The following CACNA1E variants were observed in gnomAD, a reference collection of about 807,000 sequenced individuals.
CACNA1E encodes the protein voltage-dependent R-type calcium channel subunit alpha-1E.
CACNA1E carries 40 observed loss-of-function variants against 259.2 expected under a neutral mutation model. The observed-to-expected ratio is 0.15, with a 90% CI of 0.12 to 0.20. The LOEUF is 0.20. Ranked by LOEUF, CACNA1E falls within the 10% of genes least tolerant of loss-of-function variation. The pLI, the probability that CACNA1E is intolerant of heterozygous loss-of-function variation, is 1.00. For missense variants in CACNA1E, 1,874 were observed against 3,040.1 expected, an observed-to-expected ratio of 0.62 and a Z score of 9.02; for synonymous variants, 1,104 against 1,138.5, an observed-to-expected ratio of 0.97 and a Z score of 0.61.
At chr1:181,334,161 A>G (rs576502355) in intron 1 of CACNA1E, among the ~76,000 whole-genome samples, 10 of 152,082 alleles carry the variant, frequency 6.6e-5, no homozygotes, top group African/African-American at 2.2e-4. Context: ...GAGATACTTG[A>G]CCTAATGAGT....
chr1:181,701,662 T>A (rs1357496969), intron 7 of CACNA1E, among the ~76,000 whole-genome samples: 1 of 152,178 alleles, frequency 6.6e-6, no homozygotes, highest in Non-Finnish European at 1.5e-5. Context: ...CCTTTATTTT[T>A]CCAAACTGCG....
chr1:181,380,235 C>T (rs1005783778), intron 1 of CACNA1E, among the ~76,000 whole-genome samples: 4 of 151,836 alleles, frequency 2.6e-5, no homozygotes, highest in African/African-American at 9.7e-5. Flanking sequence ...CAAGACCCAA[C>T]TACATCCTGC....
chr1:181,463,243 T>TG (rs1208707959), intron 2 of CACNA1E, among the ~76,000 whole-genome samples: 1 of 152,196 alleles, frequency 6.6e-6, no homozygotes, highest in Admixed American at 6.5e-5. Flanking sequence ...AGAACAATTA[T>TG]GTGATATACT....
chr1:181,766,413 C>T, intron 34 of CACNA1E, 133 bp from the exon 35 acceptor site: 2 of 674,992 alleles, frequency 3.0e-6, no homozygotes, highest in South Asian at 3.5e-5. Flanking sequence ...CAGAACAACC[C>T]CAGGGAATAG....
chr1:181,451,607 G>C (rs1312326638), intron 2 of CACNA1E, among the ~76,000 whole-genome samples: 2 of 152,182 alleles, frequency 1.3e-5, no homozygotes, highest in Non-Finnish European at 2.9e-5. Flanking sequence ...ACTTGAATCT[G>C]GGAGGCAGAG....
chr1:181,326,787 C>T (rs1420785281), intron 1 of CACNA1E, among the ~76,000 whole-genome samples: 1 of 152,160 alleles, frequency 6.6e-6, no homozygotes, highest in Non-Finnish European at 1.5e-5. Context: ...TCTTCATTTC[C>T]CAAATCTTGT....
rs552909246 is a variant in CACNA1E at position 181,403,794 on chromosome 1, G to A, written c.-14-9339G>A. ...AGGAGCTGTATTGGCTCATATTGCT[G>A]GTGGTCTAAGGTGGGGTGGCTTCCG... On this transcript the variant is annotated intron_variant, in intron 1 of 11. Transcript: ENST00000524607. Among the ~76,000 whole-genome samples, 4 of 152,256 alleles carry A rather than the reference G, an allele frequency of 2.6e-5. No individual in the cohort carries two copies. In the South Asian group the frequency reaches 8.3e-4, roughly 32 times the overall value.
At chr1:181,554,816 A>C (rs534808444) in intron 3 of CACNA1E, among the ~76,000 whole-genome samples, 1 of 152,248 alleles carries the variant, frequency 6.6e-6, no homozygotes, top group African/African-American at 2.4e-5. Context: ...TTTTATCCCC[A>C]GTTTCTCACA....
chr1:181,416,153 G>T (rs1313514376), intron 2 of CACNA1E, among the ~76,000 whole-genome samples: 1 of 152,180 alleles, frequency 6.6e-6, no homozygotes, highest in Non-Finnish European at 1.5e-5. Flanking sequence ...TACCTCACAG[G>T]TCGCATGTGA....
At position 181,737,693 on chromosome 1, in the gene CACNA1E, T is replaced by C. The variant is rs768990788; in HGVS notation, c.3552+39T>C. The C allele has an allele frequency of 2.5e-6, 4 of 1,598,712 alleles. No individual in the cohort carries two copies. The South Asian group carries it at 4.5e-5, about 18-fold the overall frequency. The stretch of plus-strand genomic sequence containing the variant: ...GGCCATGTGCCAGCCTCTGTAGTGC[T>C]CTGGTGCTCACCCCATCCCAGCACT... On this transcript the variant is annotated intron_variant, in intron 23 of 47. Coordinates refer to ENST00000367573, the MANE Select transcript of CACNA1E (RefSeq NM_001205293.3).
intron 3 of CACNA1E, among the ~76,000 whole-genome samples, chr1:181,516,257 G>A (rs1666573935): frequency 6.6e-6 from 1 of 151,504 alleles, no homozygotes; most frequent in African/African-American, 2.4e-5. Flanking sequence ...GGTTGGAGGG[G>A]TGGATAAGGA....
At chr1:181,347,578 G>A (rs1378851749) in intron 1 of CACNA1E, among the ~76,000 whole-genome samples, 4 of 152,178 alleles carry the variant, frequency 2.6e-5, no homozygotes, top group African/African-American at 7.2e-5. Flanking sequence ...TCGCCCATTC[G>A]AAAGGCCCAT....
intron 1 of CACNA1E, among the ~76,000 whole-genome samples, chr1:181,333,687 ACT>A (rs1651462786): frequency 6.7e-6 from 1 of 150,216 alleles, no homozygotes; most frequent in Non-Finnish European, 1.5e-5. Context: ...ACGGAGTCTC[ACT>A]CTGTCACCCA....
At chr1:181,562,967 G>T (rs1467859291) in intron 3 of CACNA1E, among the ~76,000 whole-genome samples, 2 of 152,118 alleles carry the variant, frequency 1.3e-5, no homozygotes. Flanking sequence ...TATTAAAATT[G>T]CTTATCTTTT....
chr1:181,685,097 G>T (rs1650380371), intron 7 of CACNA1E, among the ~76,000 whole-genome samples: 1 of 151,456 alleles, frequency 6.6e-6, no homozygotes, highest in South Asian at 2.1e-4. Context: ...CATCATGTCT[G>T]CTGCATAGTA....
At chr1:181,597,523 C>A (rs1653310143) in intron 6 of CACNA1E, among the ~76,000 whole-genome samples, 4 of 152,178 alleles carry the variant, frequency 2.6e-5, no homozygotes. Context: ...GATAAACGTA[C>A]CATCAGCATT....
At chr1:181,582,120 C>T (rs1458742750) in intron 6 of CACNA1E, among the ~76,000 whole-genome samples, 3 of 152,174 alleles carry the variant, frequency 2.0e-5, no homozygotes, top group African/African-American at 4.8e-5. Flanking sequence ...GATCCATTCC[C>T]ACATAGGATG....
At chr1:181,463,843 T>C (rs1661975272) in intron 2 of CACNA1E, among the ~76,000 whole-genome samples, 2 of 152,158 alleles carry the variant, frequency 1.3e-5, no homozygotes, top group South Asian at 4.1e-4. Flanking sequence ...ATGATTTTTG[T>C]TCATCTTCTC....
chr1:181,559,193 A>G (rs886507795), intron 3 of CACNA1E, among the ~76,000 whole-genome samples: 2 of 152,182 alleles, frequency 1.3e-5, no homozygotes, highest in Non-Finnish European at 2.9e-5. Context: ...TGCAAGTGTA[A>G]TGAGAAGCTA....
Sources: gnomAD v4.1 joint callset for allele counts (sites outside exome capture counted in the v4.1 genomes callset) on GRCh38, gnomAD v4.1.1 for gene constraint, MANE v1.5 for transcripts, NCBI Gene and HGNC (gene_info 2026-07-23, HGNC 2026-07-21) for gene names.